Variants in WFDC2 observed in about 807,000 individuals in gnomAD.
WFDC2 encodes the protein WAP four-disulfide core domain 2.
In WFDC2, 8 loss-of-function variants were observed where a neutral mutation model predicts 12.5. That is an observed-to-expected ratio of 0.64 (90% CI 0.37 to 1.15). The LOEUF is 1.15. Ranked by LOEUF, WFDC2 falls within the 50% of genes most tolerant of loss-of-function variation. The pLI is 0.01. For missense variants in WFDC2, 166 were observed against 159.9 expected, an observed-to-expected ratio of 1.04 and a Z score of -0.21; for synonymous variants, 74 against 67.2, an observed-to-expected ratio of 1.10 and a Z score of -0.49.
chr20:45,479,656 C>T (rs1215461138), intron 2 of WFDC2: 2 of 1,609,764 alleles, frequency 1.2e-6, no homozygotes, highest in Non-Finnish European at 1.7e-6. Flanking sequence ...GTTCCACTGG[C>T]ACCTAAAGAC....
At chr20:45,478,338 G>GA (rs1167244796) in intron 2 of WFDC2, among the ~76,000 whole-genome samples, 1 of 152,168 alleles carries the variant, frequency 6.6e-6, no homozygotes. Flanking sequence ...AAGACCGTGG[G>GA]AAAAGTGTAG....
At chr20:45,469,917 A>T (rs1165418329) in intron 1 of WFDC2, 57 bp downstream of exon 1, 2 of 1,560,942 alleles carry the variant, frequency 1.3e-6, no homozygotes, top group Non-Finnish European at 1.7e-6. Context: ...GAGCGCCAGG[A>T]TGGAGCCAGG....
At chr20:45,472,112 TAAC>T (rs1185556752) in intron 2 of WFDC2, among the ~76,000 whole-genome samples, 5 of 147,792 alleles carry the variant, frequency 3.4e-5, no homozygotes, top group South Asian at 4.3e-4. Flanking sequence ...GTTGGCAACT[TAAC>T]AACATTTTTT....
chr20:45,470,549 C>T lies in WFDC2; in HGVS notation c.223+17C>T. 2 of 1,578,746 alleles carry T rather than the reference C, an allele frequency of 1.3e-6. No individual in the cohort carries two copies. The highest frequency in any genetic ancestry group is 8.6e-7 in the Non-Finnish European group (1 of 1,160,336). On this transcript the variant is annotated intron_variant, in intron 2 of 3. Coordinates refer to ENST00000372676, the MANE Select transcript of WFDC2 (RefSeq NM_006103.4). The surrounding 1 kb of genome is among the most constrained non-coding windows in gnomAD (Gnocchi z 5.4). The stretch of plus-strand genomic sequence containing the variant: ...TGCCCAATGGTAACCCCACGGCGGC[C>T]GAGCGGGAACGGGGCGGGGCCGCGC...
At chr20:45,469,952 G>C in intron 1 of WFDC2, 92 bp downstream of exon 1, 2 of 1,469,040 alleles carry the variant, frequency 1.4e-6, no homozygotes, top group South Asian at 1.2e-5. Context: ...CTGGAGGCTG[G>C]GGAAGTGGGA....
intron 2 of WFDC2, among the ~76,000 whole-genome samples, chr20:45,476,818 T>C (rs1040002581): frequency 2.6e-5 from 4 of 152,170 alleles, no homozygotes; most frequent in Non-Finnish European, 5.9e-5. Context: ...CAATCAAACA[T>C]AGGTTTGGTC....
rs1991156126 is a variant in WFDC2 at position 45,470,528 on chromosome 20, C to G, written c.219C>G (p.Pro73=). ...GCTGTGCCACCTTCTGCTCTCTGCC[C>G]AATGGTAACCCCACGGCGGCCGAGC... The part of the protein sequence containing the change: ...SAGCATFCSL[P]NDKEGSCPQV... The change falls in exon 2 of 4, where the codon CCC becomes CCG. Residue 73 remains proline, a synonymous_variant. Transcript: ENST00000372676. This position sits in a 1 kb window ranked among gnomAD's most constrained non-coding sequence, Gnocchi z 5.4. 6.3e-7 allele frequency: 1 copy of G among 1,595,172 alleles called. No individual in the cohort carries two copies. The highest frequency in any genetic ancestry group is 1.3e-5 in the African/African-American group (1 of 74,742).
Position 45,470,344 on chromosome 20 carries a change from T to C in WFDC2, c.80-45T>C. 1 of 1,539,794 alleles carries C rather than the reference T, an allele frequency of 6.5e-7. No individual in the cohort carries two copies. Among genetic ancestry groups the C allele is most frequent in the Non-Finnish European group, 8.8e-7 (1 of 1,139,328 alleles). On this transcript the variant is annotated intron_variant, in intron 1 of 3. Transcript: ENST00000372676. This position sits in a 1 kb window ranked among gnomAD's most constrained non-coding sequence, Gnocchi z 5.4. ...GCAGGAGGTGGGCATCCTCTGGGGC[T>C]GGCGCTACGCCCCACCCTCGACTGT...
chr20:45,475,458 G>A (rs1365559002), intron 2 of WFDC2, among the ~76,000 whole-genome samples: 1 of 152,184 alleles, frequency 6.6e-6, no homozygotes, highest in Non-Finnish European at 1.5e-5. Context: ...TCAGGAGCAG[G>A]TTGTTCAGTT....
intron 2 of WFDC2, among the ~76,000 whole-genome samples, chr20:45,471,002 G>A (rs1991165044): frequency 6.6e-6 from 1 of 152,192 alleles, no homozygotes; most frequent in Admixed American, 6.5e-5. Context: ...CTGTCCAGGC[G>A]GAAAGGAACT....
Position 45,469,785 on chromosome 20 carries a change from C to T in WFDC2, c.4C>T (p.Pro2Ser), listed in dbSNP as rs763617796. 9 of 1,608,668 alleles carry T rather than the reference C, an allele frequency of 5.6e-6. No homozygotes were observed. In the South Asian group the frequency reaches 8.9e-5, roughly 16 times the overall value. MPACRLGPLAAA... is the reference protein window; with the variant it reads MSACRLGPLAAA... Reference sequence around the variant, plus strand: ...CACCCCGCCCGGGCATAGCACCATGCCTGCTTGTCGCCTAGGCCCGCTAGC... The same window carrying T: ...CACCCCGCCCGGGCATAGCACCATGTCTGCTTGTCGCCTAGGCCCGCTAGC... Residue 2 changes from proline to serine, a missense_variant, in exon 1 of 4, where the codon CCT (proline) becomes TCT (serine). Coordinates refer to ENST00000372676, the MANE Select transcript of WFDC2 (RefSeq NM_006103.4).
At chr20:45,469,916 G>A in intron 1 of WFDC2, 56 bp downstream of exon 1, 2 of 1,561,436 alleles carry the variant, frequency 1.3e-6, no homozygotes, top group Non-Finnish European at 1.7e-6. Flanking sequence ...CGAGCGCCAG[G>A]ATGGAGCCAG....
chr20:45,478,845 T>A lies in WFDC2; in HGVS notation c.224-1097T>A, dbSNP rs1991266386. ...GGTCTCGAGTCCTGACCTCCGATGA[T>A]CCCACCCGCCTGAGCCTCCCAAAGT... On this transcript the variant is annotated intron_variant, in intron 2 of 3. Transcript: ENST00000372676. 2.0e-5 allele frequency among the ~76,000 whole-genome samples: 3 copies of A among 152,194 alleles called. No homozygotes were observed. The South Asian group carries it at 6.2e-4, about 32-fold the overall frequency.
rs565935842 is a variant in WFDC2, at chr20:45,477,686, G to A, written c.224-2256G>A. 2.6e-5 allele frequency among the ~76,000 whole-genome samples: 4 copies of A among 152,348 alleles called. No homozygotes were observed. The South Asian group carries it at 6.2e-4, about 24-fold the overall frequency. ...ACTTGAGGAGGCAGTCTGACCCTTA[G>A]CAGAGCTCAAATGCTGTGCTGGGAG... On this transcript the variant is annotated intron_variant, in intron 2 of 3. Transcript: ENST00000372676.
rs527259942 is a variant in WFDC2 at position 45,470,192 on chromosome 20, C to G, written c.80-197C>G. ...GGGCTGAGATCTGAGGGCCCCGACG[C>G]CAAGGGTTAGGGAGCTCTCGTACTC... On this transcript the variant is annotated intron_variant, in intron 1 of 3. Coordinates refer to ENST00000372676, the MANE Select transcript of WFDC2 (RefSeq NM_006103.4). This position sits in a 1 kb window ranked among gnomAD's most constrained non-coding sequence, Gnocchi z 5.4. Among the ~76,000 whole-genome samples the G allele has an allele frequency of 6.6e-6, 1 of 152,222 alleles. No individual in the cohort carries two copies. Among genetic ancestry groups the G allele is most frequent in the East Asian group, 1.9e-4 (1 of 5,150 alleles).
chr20:45,480,016 G>A lies in WFDC2; in HGVS notation c.298G>A (p.Asp100Asn). 6.2e-7 allele frequency: 1 copy of A among 1,614,214 alleles called. No homozygotes were observed. The highest frequency in any genetic ancestry group is 2.2e-5 in the East Asian group (1 of 44,884). Residue 100 changes from aspartate (D) to asparagine (N), a missense_variant, in exon 3 of 4, where the codon GAC becomes AAC. Physicochemically the swap from Asp to Asn is conservative, Grantham distance 23. Coordinates refer to ENST00000372676, the MANE Select transcript of WFDC2 (RefSeq NM_006103.4). Reference sequence around the variant, plus strand: ...CCTCTGTCGGGACCAGTGCCAGGTGGACAGCCAGTGTCCTGGCCAGATGAA... The same window carrying A: ...CCTCTGTCGGGACCAGTGCCAGGTGAACAGCCAGTGTCCTGGCCAGATGAA... ...LGLCRDQCQV[D>N]SQCPGQMKCC...
intron 2 of WFDC2, chr20:45,471,225 A>T: frequency 2.1e-6 from 1 of 467,846 alleles, no homozygotes; most frequent in South Asian, 1.6e-5. Context: ...GTCGTCTTTC[A>T]GTCAATCTCT....
intron 1 of WFDC2, 105 bp downstream of exon 1, chr20:45,469,965 T>G (rs1991145374): frequency 7.0e-7 from 1 of 1,418,896 alleles, no homozygotes; most frequent in African/African-American, 1.4e-5. Context: ...AAGTGGGAAT[T>G]CCGGGGGCGG....
chr20:45,474,941 T>C (rs1991215096), intron 2 of WFDC2, among the ~76,000 whole-genome samples: 1 of 152,236 alleles, frequency 6.6e-6, no homozygotes, highest in African/African-American at 2.4e-5. Flanking sequence ...ATCCATTTCT[T>C]CTAGGTTTTC....
Sources: allele counts gnomAD v4.1 joint callset (sites outside exome capture counted in the v4.1 genomes callset), GRCh38; gene constraint gnomAD v4.1.1; non-coding constraint Gnocchi (gnomAD v3.1); transcripts MANE v1.5; gene names NCBI Gene and HGNC (gene_info 2026-07-23, HGNC 2026-07-21).